Variants in SASH3 observed in about 807,000 individuals in gnomAD.
SASH3 encodes the protein SAM and SH3 domain containing 3, also known as SAM and SH3 domain-containing protein 3.
In SASH3, 7 loss-of-function variants were observed where a neutral mutation model predicts 26.1. The ratio of observed to expected loss-of-function variants is 0.27; its 90% CI spans 0.15 to 0.50. The LOEUF is 0.50. Among genes scored for constraint, SASH3 ranks in the 20% least tolerant of loss-of-function variants. The pLI, the probability that SASH3 is intolerant of heterozygous loss-of-function variation, is 0.98. For missense variants in SASH3, 231 were observed against 318.3 expected (o/e 0.73, Z 2.09); for synonymous variants, 138 against 136.8 (o/e 1.01, Z -0.06).
At chrX:129,793,244 C>T in intron 7 of SASH3, 105 bp downstream of exon 7, 1 of 919,067 alleles carries the variant, frequency 1.1e-6, no homozygotes, top group Non-Finnish European at 1.5e-6. Context: ...TGCCCTAGGA[C>T]TGCTCTGCAG....
At chrX:129,786,997 A>AAG (rs1927119365) in intron 1 of SASH3, among the ~76,000 whole-genome samples, 1 of 96,012 alleles carries the variant, frequency 1.0e-5, no homozygotes, top group South Asian at 4.8e-4. Flanking sequence ...TCCATCTCAG[A>AAG]AAAAAAAAAA....
At chrX:129,784,687 G>A (rs1475131378) in intron 1 of SASH3, among the ~76,000 whole-genome samples, 3 of 111,389 alleles carry the variant, frequency 2.7e-5, no homozygotes, top group Non-Finnish European at 5.7e-5. Context: ...TGTGAAGTGG[G>A]CTTCAGAGAG....
chrX:129,781,575 G>A (rs778339815), intron 1 of SASH3, among the ~76,000 whole-genome samples: 3 of 112,454 alleles, frequency 2.7e-5, no homozygotes, highest in African/African-American at 9.7e-5. Flanking sequence ...CAAACCACAG[G>A]GGCGCTGAGC....
chrX:129,790,968 C>T lies in SASH3; in HGVS notation c.329C>T (p.Ser110Phe). The T allele has an allele frequency of 8.3e-7, 1 of 1,211,626 alleles. No individual in the cohort carries two copies. The highest frequency in any genetic ancestry group is 1.1e-6 in the Non-Finnish European group (1 of 895,362). ...MADTLEEGSA[S>F]PTSPDYSLDS... is the part of the protein sequence containing the mutation. The stretch of plus-strand genomic sequence containing the variant: ...GACACTCTGGAGGAGGGCTCTGCCT[C>T]CCCGACATCTCCAGACTACAGCCTG... The change falls in exon 4 of 8, where the codon TCC becomes TTC. Residue 110 changes from serine (S) to phenylalanine (F), a missense_variant. By Grantham distance (155) the Ser-to-Phe change is radical. Transcript: ENST00000356892.
At chrX:129,784,112 C>A (rs996325400) in intron 1 of SASH3, among the ~76,000 whole-genome samples, 1 of 110,234 alleles carries the variant, frequency 9.1e-6, no homozygotes, top group African/African-American at 3.3e-5. Context: ...TCCCCCAGGG[C>A]AACCGCTATC....
At chrX:129,785,221 G>A (rs912005413) in intron 1 of SASH3, among the ~76,000 whole-genome samples, 1 of 110,828 alleles carries the variant, frequency 9.0e-6, no homozygotes, top group Non-Finnish European at 1.9e-5. Context: ...CGTCAGGCAC[G>A]ACTCCCAGGA....
At position 129,788,549 on chromosome X, in the gene SASH3, T is replaced by C. The variant is rs775165842; in HGVS notation, c.272T>C (p.Met91Thr). ...SRTMNRKMGK[M>T]MVKALSEEMA... ...ACCATGAACAGGAAGATGGGCAAGA[T>C]GATGGTGAAGGCCCTGTCAGAAGAG... The change falls in exon 3 of 8, where the codon ATG becomes ACG. Residue 91 changes from methionine (M) to threonine (T), a missense_variant. Coordinates refer to ENST00000356892, the MANE Select transcript of SASH3 (RefSeq NM_018990.4). 7 of 1,211,145 alleles carry C rather than the reference T, an allele frequency of 5.8e-6. No individual in the cohort carries two copies. Among genetic ancestry groups the C allele is most frequent in the Non-Finnish European group, 7.8e-6 (7 of 895,203 alleles).
chrX:129,782,303 G>A (rs1250152919), intron 1 of SASH3, among the ~76,000 whole-genome samples: 1 of 112,061 alleles, frequency 8.9e-6, no homozygotes, highest in Non-Finnish European at 1.9e-5. Flanking sequence ...CACACAAGGG[G>A]GTGCCTGCTG....
chrX:129,792,218 G>A (rs1177373537), intron 4 of SASH3, 110 bp from the exon 5 acceptor site: 32 of 907,018 alleles, frequency 3.5e-5, no homozygotes, highest in Middle Eastern at 4.1e-4. Flanking sequence ...CTGCCTTCCC[G>A]GTGTATACCC....
chrX:129,782,791 G>A (rs950443135), intron 1 of SASH3, among the ~76,000 whole-genome samples: 31 of 111,944 alleles, frequency 2.8e-4, no homozygotes, highest in South Asian at 7.4e-4. Context: ...AGGAGGGTGC[G>A]GGCCCTCTAG....
At position 129,780,121 on chromosome X, in the gene SASH3, T is replaced by C; in HGVS notation, c.24T>C (p.Asn8=). The C allele has an allele frequency of 8.3e-7, 1 of 1,211,196 alleles. No individual in the cohort carries two copies. The highest frequency in any genetic ancestry group is 1.8e-5 in the South Asian group (1 of 56,969). The change falls in exon 1 of 8, where the codon AAT becomes AAC. Residue 8 remains asparagine (N), a synonymous_variant. Transcript: ENST00000356892. ...CCATGCTGCGCCGCAAGCCCTCCAATGCCAGTGAGAAGGAGCCCACTCAGA... is the reference window on the plus strand; with the variant it reads ...CCATGCTGCGCCGCAAGCCCTCCAACGCCAGTGAGAAGGAGCCCACTCAGA... MLRRKPS[N]ASEKEPTQKK... is the part of the protein sequence containing the mutation.
At chrX:129,792,929 G>A (rs1927258468) in intron 6 of SASH3, 60 bp from the exon 7 acceptor site, 1 of 1,201,524 alleles carries the variant, frequency 8.3e-7, no homozygotes, top group African/African-American at 1.8e-5. Context: ...CGTAGTTGGG[G>A]AGGACCTAGG....
Position 129,793,074 on chromosome X carries a change from A to G in SASH3, c.887A>G (p.Asn296Ser). 8.3e-7 allele frequency: 1 copy of G among 1,211,572 alleles called. No individual in the cohort carries two copies. Among genetic ancestry groups the G allele is most frequent in the African/African-American group, 1.7e-5 (1 of 57,767 alleles). The change falls in exon 7 of 8, where the codon AAC (asparagine) becomes AGC (serine). Residue 296 changes from asparagine to serine, a missense_variant. By Grantham distance (46) the Asn-to-Ser change is conservative. Transcript: ENST00000356892. ...ELRETHLNEL[N>S]IMDPQHRAKL... ...CGAGAAACACACCTCAATGAGCTGA[A>G]CATCATGGATCCACAGCACCGGGCC... is the stretch of plus-strand genomic sequence containing the variant.
At chrX:129,784,743 A>G (rs112865370) in intron 1 of SASH3, among the ~76,000 whole-genome samples, 3,030 of 110,161 alleles carry the variant, frequency 0.028, 106 homozygotes, top group African/African-American at 0.094. Flanking sequence ...TGAACTTCTG[A>G]GAAAGCTTCC....
chrX:129,781,282 G>A (rs905334162), intron 1 of SASH3, among the ~76,000 whole-genome samples: 5 of 111,951 alleles, frequency 4.5e-5, no homozygotes, highest in African/African-American at 1.3e-4. Flanking sequence ...GCAGTGGGGT[G>A]TGCATCCTGC....
chrX:129,785,026 T>C (rs995473223), intron 1 of SASH3, among the ~76,000 whole-genome samples: 1 of 109,676 alleles, frequency 9.1e-6, no homozygotes, highest in Admixed American at 9.8e-5. Flanking sequence ...AATACATATA[T>C]ACTCAACAAT....
intron 1 of SASH3, among the ~76,000 whole-genome samples, chrX:129,781,533 A>T (rs1927017077): frequency 8.9e-6 from 1 of 112,036 alleles, no homozygotes; most frequent in Non-Finnish European, 1.9e-5. Flanking sequence ...GGGGTGGGAA[A>T]CAGAGATTGC....
At chrX:129,788,623 G>T in intron 3 of SASH3, 46 bp downstream of exon 3, 1 of 1,158,044 alleles carries the variant, frequency 8.6e-7, no homozygotes, top group Non-Finnish European at 1.2e-6. Flanking sequence ...GGGGCCTGGG[G>T]ACCGCTCTGG....
chrX:129,788,137 G>GGGGGGGCTGGC (rs2124077348), intron 2 of SASH3, 67 bp downstream of exon 2: 1 of 354,275 alleles, frequency 2.8e-6, no homozygotes, highest in Non-Finnish European at 5.4e-6. Flanking sequence ...GGGTGGGAGG[G>GGGGGGGCTGGC]AAGAGGGTGA....
Sources: gnomAD v4.1 joint callset for allele counts (sites outside exome capture counted in the v4.1 genomes callset) on GRCh38, gnomAD v4.1.1 for gene constraint, MANE v1.5 for transcripts, NCBI Gene and HGNC (gene_info 2026-07-23, HGNC 2026-07-21) for gene names.